RAPGEF2: variants seen among roughly 807,000 people sequenced by gnomAD.
The protein encoded by RAPGEF2 is Rap guanine nucleotide exchange factor 2, also known as PDZ domain containing guanine nucleotide exchange factor (GEF) 1.
Under a neutral mutation model 186.7 loss-of-function variants are expected in RAPGEF2, and 54 were observed. The observed-to-expected ratio is 0.29, with a 90% CI of 0.23 to 0.36. RAPGEF2 has a LOEUF of 0.36. Ranked by LOEUF, RAPGEF2 falls within the 10% of genes least tolerant of loss-of-function variation. RAPGEF2 has a pLI of 1.00. For synonymous variants in RAPGEF2, 712 were observed against 705.9 expected (o/e 1.01, Z -0.14); for missense variants, 1,532 against 2,045.0 (o/e 0.75, Z 4.84).
intron 13 of RAPGEF2, 127 bp from the exon 14 acceptor site, chr4:159,331,304 G>A: frequency 3.4e-6 from 2 of 583,822 alleles, no homozygotes; most frequent in South Asian, 5.4e-5. Context: ...TTTTATTATT[G>A]TTAATTTATT....
chr4:159,137,189 A>C (rs1741808314), intron 1 of RAPGEF2, among the ~76,000 whole-genome samples: 1 of 152,234 alleles, frequency 6.6e-6, no homozygotes, highest in Non-Finnish European at 1.5e-5. Context: ...CAAATACCAT[A>C]GACAGGGTGG....
intron 5 of RAPGEF2, among the ~76,000 whole-genome samples, chr4:159,239,753 A>G (rs549587817): frequency 7.2e-5 from 11 of 152,312 alleles, no homozygotes; most frequent in African/African-American, 2.6e-4. Context: ...TGATATTCTT[A>G]CTGTCTCCAT....
At chr4:159,224,992 G>A (rs982516328) in intron 4 of RAPGEF2, among the ~76,000 whole-genome samples, 1 of 152,150 alleles carries the variant, frequency 6.6e-6, no homozygotes, top group African/African-American at 2.4e-5. Context: ...AATCTGGAGG[G>A]AATGAGGTAG....
chr4:159,185,101 G>C (rs919660864), intron 1 of RAPGEF2, among the ~76,000 whole-genome samples: 2 of 152,106 alleles, frequency 1.3e-5, no homozygotes, highest in Admixed American at 1.3e-4. Context: ...CTTAATCATT[G>C]GGGAAATGCA....
chr4:159,242,925 C>T (rs116380614), intron 6 of RAPGEF2, among the ~76,000 whole-genome samples: 186 of 151,906 alleles, frequency 1.2e-3, no homozygotes, highest in African/African-American at 4.2e-3. Flanking sequence ...TAAAATGTAG[C>T]GTTAAAGTTG....
At position 159,104,526 on chromosome 4, in the gene RAPGEF2, G is replaced by GACA. The variant is rs756718888; in HGVS notation, c.69+295_69+296insACA. On this transcript the variant is annotated intron_variant, in intron 1 of 29. Transcript: ENST00000691494. Reference sequence around the variant, plus strand: ...AGAGAGAGAGAGAGAGAGAGAGAGAGGGAGAGACAGAGAGAGAGAGAGAGA... The same window carrying GACA: ...AGAGAGAGAGAGAGAGAGAGAGAGAGACAGGAGAGACAGAGAGAGAGAGAGAGA... Among the ~76,000 whole-genome samples, 804 of 112,024 alleles carry GACA rather than the reference G, an allele frequency of 7.2e-3. 8 individuals are homozygous for GACA. The highest frequency in any genetic ancestry group is 0.018 in the Middle Eastern group (4 of 220). The allele number at this position is 112,024 out of a possible 152,430, so 73.5% of individuals were successfully genotyped here.
intron 7 of RAPGEF2, 106 bp downstream of exon 7, chr4:159,243,897 C>A: frequency 1.1e-6 from 1 of 881,108 alleles, no homozygotes; most frequent in Non-Finnish European, 1.6e-6. Flanking sequence ...TTCGTCTTGT[C>A]CTTCTGTATT....
At chr4:159,295,443 T>G (rs1238831637) in intron 7 of RAPGEF2, among the ~76,000 whole-genome samples, 1 of 152,026 alleles carries the variant, frequency 6.6e-6, no homozygotes, top group Non-Finnish European at 1.5e-5. Flanking sequence ...ATGAGAATGG[T>G]CTGGCTGTCA....
intron 7 of RAPGEF2, among the ~76,000 whole-genome samples, chr4:159,252,891 A>G (rs1014499373): frequency 6.6e-6 from 1 of 152,254 alleles, no homozygotes; most frequent in Admixed American, 6.5e-5. Context: ...TTAAATATGT[A>G]TCCATTGATT....
intron 1 of RAPGEF2, among the ~76,000 whole-genome samples, chr4:159,137,861 C>T (rs917096658): frequency 6.6e-6 from 1 of 151,978 alleles, no homozygotes; most frequent in Non-Finnish European, 1.5e-5. Flanking sequence ...TCTTTAAAAA[C>T]ATTTCTTTAT....
chr4:159,320,463 A>AT (rs994336065), intron 9 of RAPGEF2, among the ~76,000 whole-genome samples: 1 of 152,146 alleles, frequency 6.6e-6, no homozygotes, highest in African/African-American at 2.4e-5. Flanking sequence ...AGTTTAACTT[A>AT]TTTTTTAAAA....
intron 7 of RAPGEF2, chr4:159,267,035 G>A (rs1757516962): frequency 2.0e-6 from 1 of 490,500 alleles, no homozygotes; most frequent in Non-Finnish European, 3.2e-6. Context: ...GAGGGGGCGA[G>A]TCTTAAGGAA....
intron 7 of RAPGEF2, among the ~76,000 whole-genome samples, chr4:159,251,355 G>A (rs554810337): frequency 2.4e-4 from 36 of 152,378 alleles, no homozygotes; most frequent in African/African-American, 3.8e-4. Flanking sequence ...CGTCCCAGGC[G>A]TGGGATCCAC....
intron 20 of RAPGEF2, 35 bp downstream of exon 20, chr4:159,341,982 A>C: frequency 6.5e-7 from 1 of 1,532,454 alleles, no homozygotes; most frequent in Non-Finnish European, 8.7e-7. Context: ...GATTCAGTTC[A>C]GTTCACAGAT....
intron 4 of RAPGEF2, among the ~76,000 whole-genome samples, chr4:159,220,608 G>T (rs910982314): frequency 6.6e-5 from 10 of 152,116 alleles, no homozygotes; most frequent in Admixed American, 2.0e-4. Context: ...ACATACTTTT[G>T]TCTAAGCTGT....
intron 3 of RAPGEF2, among the ~76,000 whole-genome samples, chr4:159,209,354 C>A (rs1182951748): frequency 6.6e-6 from 1 of 151,996 alleles, no homozygotes; most frequent in African/African-American, 2.4e-5. Flanking sequence ...TCATTTTCAC[C>A]AAGCCGATTG....
chr4:159,307,206 A>G (rs902202193), intron 8 of RAPGEF2, among the ~76,000 whole-genome samples: 1 of 152,200 alleles, frequency 6.6e-6, no homozygotes, highest in Non-Finnish European at 1.5e-5. Context: ...GTTATGAAGG[A>G]TCATTGTTGT....
chr4:159,169,178 A>AC (rs11382188), intron 1 of RAPGEF2, among the ~76,000 whole-genome samples: 61,889 of 151,860 alleles, frequency 0.41, 13,015 homozygotes, highest in African/African-American at 0.5. Context: ...AGATTTTGGA[A>AC]CCCCCCTCAA....
intron 1 of RAPGEF2, among the ~76,000 whole-genome samples, chr4:159,154,972 A>G (rs1414001128): frequency 6.6e-6 from 1 of 152,194 alleles, no homozygotes; most frequent in Non-Finnish European, 1.5e-5. Context: ...AGTATGAACC[A>G]CTTTTTAAGT....
Sources: gnomAD v4.1 joint callset for allele counts (sites outside exome capture counted in the v4.1 genomes callset) on GRCh38, gnomAD v4.1.1 for gene constraint, MANE v1.5 for transcripts, NCBI Gene and HGNC (gene_info 2026-07-23, HGNC 2026-07-21) for gene names.